The following CACNB1 variants were observed in gnomAD, a reference collection of about 807,000 sequenced individuals.
CACNB1 encodes calcium voltage-gated channel auxiliary subunit beta 1.
Under a neutral mutation model 71.6 loss-of-function variants are expected in CACNB1, and 29 were observed. The observed-to-expected ratio is 0.40, with a 90% CI of 0.30 to 0.55. CACNB1 has a LOEUF of 0.55. CACNB1 is among the 20% of genes least tolerant of loss of function. The probability of loss-of-function intolerance (pLI) is 0.38; values close to 1 mark genes in which losing one functional copy is unlikely to be tolerated. For synonymous variants in CACNB1, 300 were observed against 319.6 expected (o/e 0.94, Z 0.65); for missense variants, 623 against 801.8 (o/e 0.78, Z 2.69).
intron 3 of CACNB1, among the ~76,000 whole-genome samples, chr17:39,187,814 G>A (rs1036964913): frequency 9.2e-5 from 14 of 152,070 alleles, no homozygotes; most frequent in African/African-American, 3.4e-4. Flanking sequence ...AGGAGTCCGA[G>A]ACCAGCCTGA....
intron 11 of CACNB1, among the ~76,000 whole-genome samples, chr17:39,179,535 C>T (rs567768247): frequency 5.4e-4 from 80 of 147,520 alleles, no homozygotes; most frequent in African/African-American, 1.9e-3. Context: ...GAGCTGAGAT[C>T]GCCACTGCAC....
At position 39,177,545 on chromosome 17, in the gene CACNB1, C is replaced by A. The variant is rs765899319; in HGVS notation, c.1147-10G>T. ...TGATGTCAAACATTTCCTGTGAAGG[C>A]GGGGTTAGGGGGCAGGGCTGGGATG... is the stretch of plus-strand genomic sequence containing the variant. On this transcript the variant is annotated splice_polypyrimidine_tract_variant and intron_variant, in intron 12 of 13. Coordinates refer to ENST00000394303, the MANE Select transcript of CACNB1 (RefSeq NM_000723.5). 6.4e-7 allele frequency: 1 copy of A among 1,562,108 alleles called. No homozygotes were observed. Among genetic ancestry groups the A allele is most frequent in the South Asian group, 1.2e-5 (1 of 83,942 alleles).
chr17:39,183,663 A>T, intron 11 of CACNB1, 50 bp downstream of exon 11: 1 of 1,446,888 alleles, frequency 6.9e-7, no homozygotes, highest in Non-Finnish European at 9.3e-7. Context: ...AAACCCAAGC[A>T]GCCCTTTCAA....
chr17:39,197,456 G>A lies in CACNB1; in HGVS notation c.40C>T (p.Pro14Ser), dbSNP rs1327708267. ...ACCTCCATGGGGATCTCCTGGGAGG[G>A]TGGGTAAGGGCCCCGGGACATGCTG... ...KTSMSRGPYPPSQEIPMEVFD... is the reference protein window; with the variant it reads ...KTSMSRGPYPSSQEIPMEVFD... The change falls in exon 1 of 14, where the codon CCC (proline) becomes TCC (serine). Residue 14 changes from proline to serine, a missense_variant. Physicochemically the swap from Pro to Ser is moderately conservative, Grantham distance 74. Coordinates refer to ENST00000394303, the MANE Select transcript of CACNB1 (RefSeq NM_000723.5). 1.3e-6 allele frequency: 2 copies of A among 1,485,280 alleles called. No homozygotes were observed. The highest frequency in any genetic ancestry group is 8.9e-7 in the Non-Finnish European group (1 of 1,122,454). 92.0% of individuals were successfully genotyped at this position (1,485,280 alleles called of 1,614,324 possible).
chr17:39,185,011 G>T, intron 7 of CACNB1, 120 bp downstream of exon 7: 1 of 1,057,908 alleles, frequency 9.5e-7, no homozygotes. Context: ...GGGAGGGATG[G>T]CCAGGGAGAA....
rs1376818442 is a variant in CACNB1 at position 39,194,880 on chromosome 17, T to A, written c.171+4A>T. 3 of 1,603,804 alleles carry A rather than the reference T, an allele frequency of 1.9e-6. No individual in the cohort carries two copies. The highest frequency in any genetic ancestry group is 2.7e-5 in the African/African-American group (2 of 74,702). On this transcript the variant is annotated splice_donor_region_variant and intron_variant, in intron 2 of 13. Coordinates refer to ENST00000394303, the MANE Select transcript of CACNB1 (RefSeq NM_000723.5). The surrounding 1 kb of genome is among the most constrained non-coding windows in gnomAD (Gnocchi z 4.6). The stretch of plus-strand genomic sequence containing the variant: ...CCCTCCTCTCCGCCCAGCCTCCCCA[T>A]TACCTGGCGGACAAAGCTGTTGGAT...
intron 13 of CACNB1, among the ~76,000 whole-genome samples, chr17:39,176,284 C>G (rs1316998649): frequency 6.6e-6 from 1 of 152,134 alleles, no homozygotes; most frequent in African/African-American, 2.4e-5. Context: ...AAGAGGTGGC[C>G]CAGTGTCCTT....
At chr17:39,177,799 G>T (rs925736352) in intron 12 of CACNB1, among the ~76,000 whole-genome samples, 185 bp downstream of exon 12, 4 of 152,122 alleles carry the variant, frequency 2.6e-5, no homozygotes, top group African/African-American at 9.7e-5. Flanking sequence ...CACGCAGAAG[G>T]GTGCTTCTGG....
In CACNB1 at chr17:39,174,035, CGGG is replaced by C; in HGVS notation, c.*1155_*1157del. The C allele has an allele frequency of 6.5e-6, 1 of 152,692 alleles. No individual in the cohort carries two copies. Among genetic ancestry groups the C allele is most frequent in the Non-Finnish European group, 1.5e-5 (1 of 68,098 alleles). 9.5% of individuals were successfully genotyped at this position (152,692 alleles called of 1,614,324 possible). On this transcript the variant is annotated 3_prime_UTR_variant, in exon 14 of 14. Transcript: ENST00000394303. The stretch of plus-strand genomic sequence containing the variant: ...GGTGCCCATCCCTGAGGCGGGCAGC[CGGG>C]CAGGCCCCAGTCCTTGTTGGCACAC...
rs1451425421 is a variant in CACNB1, at chr17:39,173,889, A to C, written c.*1304T>G. The C allele has an allele frequency of 6.5e-6, 1 of 152,872 alleles. No individual in the cohort carries two copies. The highest frequency in any genetic ancestry group is 1.5e-5 in the Non-Finnish European group (1 of 68,272). 9.5% of individuals were successfully genotyped at this position (152,872 alleles called of 1,614,324 possible). On this transcript the variant is annotated 3_prime_UTR_variant, in exon 14 of 14. Transcript: ENST00000394303. ...ATAGACAGACAGATGGGGGCACAGG[A>C]CACCAGACAGGGAGGGGGGAAGGGA... is the stretch of plus-strand genomic sequence containing the variant.
rs894476543 is a variant in CACNB1 at position 39,179,416 on chromosome 17, G to A, written c.1051-1337C>T. Among the ~76,000 whole-genome samples the A allele has an allele frequency of 4.7e-5, 7 of 150,524 alleles. No homozygotes were observed. The East Asian group carries it at 5.9e-4, about 13-fold the overall frequency. Reference sequence around the variant, plus strand: ...ATCCTGGCCAACATAGTGAAACCCCGTCTCTACTAAAAAAATTAGCCGGGC... The same window carrying A: ...ATCCTGGCCAACATAGTGAAACCCCATCTCTACTAAAAAAATTAGCCGGGC... On this transcript the variant is annotated intron_variant, in intron 11 of 13. Coordinates refer to ENST00000394303, the MANE Select transcript of CACNB1 (RefSeq NM_000723.5).
chr17:39,189,187 A>AC (rs1401676645), intron 3 of CACNB1, among the ~76,000 whole-genome samples: 2 of 151,112 alleles, frequency 1.3e-5, no homozygotes, highest in African/African-American at 4.9e-5. Flanking sequence ...ACATGGTGAA[A>AC]CCCCGTCTCT....
rs751999545 is a variant in CACNB1, at chr17:39,186,829, T to C, written c.515A>G (p.Gln172Arg). ...PVKLDSLRLL[Q>R]EQKLRQNRLG... ...GCGGTTCTGGCGCAGCTTCTGTTCCTGCAGCAGGCGAAGGCTGTCCAGTTT... is the reference window on the plus strand; with the variant it reads ...GCGGTTCTGGCGCAGCTTCTGTTCCCGCAGCAGGCGAAGGCTGTCCAGTTT... Residue 172 changes from glutamine to arginine, a missense_variant, in exon 5 of 14, where the codon CAG (glutamine) becomes CGG (arginine). Coordinates refer to ENST00000394303, the MANE Select transcript of CACNB1 (RefSeq NM_000723.5). This position sits in a 1 kb window ranked among gnomAD's most constrained non-coding sequence, Gnocchi z 4.1. 4.3e-6 allele frequency: 7 copies of C among 1,614,104 alleles called. 1 individual carries two copies. In the South Asian group the frequency reaches 5.5e-5, roughly 13 times the overall value.
intron 3 of CACNB1, among the ~76,000 whole-genome samples, chr17:39,191,153 G>A (rs529712774): frequency 1.1e-3 from 170 of 152,158 alleles, no homozygotes; most frequent in South Asian, 1.9e-3. Flanking sequence ...GCAGTGAGCC[G>A]AGATCATGCC....
rs986984619 is a variant in CACNB1 at position 39,178,236 on chromosome 17, C to G, written c.1051-157G>C. 49 of 621,422 alleles carry G rather than the reference C, an allele frequency of 7.9e-5. No homozygotes were observed. The African/African-American group carries it at 8.8e-4, about 11-fold the overall frequency. The allele number at this position is 621,422 out of a possible 1,614,324, so 38.5% of individuals were successfully genotyped here. ...GCCCTGGGCACCTCTGCAGAAAGGACCTCAGCAGCCCTGTGTCTACCCTAT... is the reference window on the plus strand; with the variant it reads ...GCCCTGGGCACCTCTGCAGAAAGGAGCTCAGCAGCCCTGTGTCTACCCTAT... On this transcript the variant is annotated intron_variant, in intron 11 of 13. Coordinates refer to ENST00000394303, the MANE Select transcript of CACNB1 (RefSeq NM_000723.5).
rs1351530017 is a variant in CACNB1 at position 39,194,712 on chromosome 17, C to T, written c.171+172G>A. On this transcript the variant is annotated intron_variant, in intron 2 of 13. Transcript: ENST00000394303. The surrounding 1 kb of genome is among the most constrained non-coding windows in gnomAD (Gnocchi z 4.6). The stretch of plus-strand genomic sequence containing the variant: ...GGGCGGGGGCTGAGCGAGTGGGTGC[C>T]GCTGACAGCACATCCAGAAGAGGTC... Among the ~76,000 whole-genome samples, 1 of 152,012 alleles carries T rather than the reference C, an allele frequency of 6.6e-6. No homozygotes were observed. Among genetic ancestry groups the T allele is most frequent in the South Asian group, 2.1e-4 (1 of 4,806 alleles).
chr17:39,188,915 T>C (rs907756241), intron 3 of CACNB1, among the ~76,000 whole-genome samples: 1 of 152,114 alleles, frequency 6.6e-6, no homozygotes, highest in Admixed American at 6.6e-5. Flanking sequence ...TGGTGGCACA[T>C]GCCTGTAATC....
At chr17:39,193,620 C>T (rs1295655683) in intron 2 of CACNB1, 3 of 280,746 alleles carry the variant, frequency 1.1e-5, no homozygotes, top group Admixed American at 4.9e-5. Context: ...GCAAGGACTG[C>T]CCCCCTCCAC....
rs2045939562 is a variant in CACNB1 at position 39,186,341 on chromosome 17, G to A, written c.628+155C>T. ...AGACATGACAGGCCCAGCTTGAGGG[G>A]TAGCCTACTCTTCATGGAGGGGGAA... is the stretch of plus-strand genomic sequence containing the variant. On this transcript the variant is annotated intron_variant, in intron 6 of 13. Transcript: ENST00000394303. This position sits in a 1 kb window ranked among gnomAD's most constrained non-coding sequence, Gnocchi z 4.1. 1.6e-6 allele frequency: 1 copy of A among 644,496 alleles called. No homozygotes were observed. The highest frequency in any genetic ancestry group is 2.7e-6 in the Non-Finnish European group (1 of 368,660). The allele number at this position is 644,496 out of a possible 1,614,324, so 39.9% of individuals were successfully genotyped here. A position where few individuals can be genotyped will look rare whatever the true frequency, so the allele number is the denominator to read the frequency against.
Sources: gnomAD v4.1 joint callset for allele counts (sites outside exome capture counted in the v4.1 genomes callset) on GRCh38, gnomAD v4.1.1 for gene constraint, Gnocchi (gnomAD v3.1) non-coding constraint, MANE v1.5 for transcripts, NCBI Gene and HGNC (gene_info 2026-07-23, HGNC 2026-07-21) for gene names.